ATP13A3: variants seen among roughly 807,000 people sequenced by gnomAD.
ATP13A3 encodes polyamine-transporting ATPase 13A3.
ATP13A3 carries 59 observed loss-of-function variants against 158.1 expected under a neutral mutation model. The observed-to-expected ratio is 0.37, with a 90% CI of 0.30 to 0.46. The LOEUF (loss-of-function observed/expected upper bound fraction) is 0.46, where lower values mean the gene tolerates loss of function less well. Among genes scored for constraint, ATP13A3 ranks in the 20% least tolerant of loss-of-function variants. The pLI is 1.00. For missense variants in ATP13A3, 1,166 were observed against 1,525.2 expected, an observed-to-expected ratio of 0.76 and a Z score of 3.92; for synonymous variants, 491 against 504.3, an observed-to-expected ratio of 0.97 and a Z score of 0.35.
In ATP13A3 at chr3:194,494,278, A is replaced by G. The variant is rs911851013; in HGVS notation, n.518T>C. ...CAGCACACAGCGGTAGTCAGAAAGT[A>G]TGCTGAGTAAGTGGAGAACAAGTTA... On this transcript the variant is annotated splice_region_variant and non_coding_transcript_exon_variant, in exon 2 of 33. Transcript: ENST00000687055. The surrounding 1 kb of genome is among the most constrained non-coding windows in gnomAD (Gnocchi z 4.2). The G allele has an allele frequency of 2.0e-5, 8 of 398,528 alleles. No homozygotes were observed. Among genetic ancestry groups the G allele is most frequent in the Non-Finnish European group, 3.1e-5 (7 of 226,082 alleles). The allele number at this position is 398,528 out of a possible 1,614,324, so 24.7% of individuals were successfully genotyped here.
intron 2 of ATP13A3, among the ~76,000 whole-genome samples, chr3:194,482,950 AC>A (rs1166256097): frequency 3.9e-5 from 6 of 152,040 alleles, no homozygotes. Flanking sequence ...TACTAAAGAT[AC>A]AAAAAATTAG....
rs1410502922 is a variant in ATP13A3, at chr3:194,421,137, G to A, written c.3314-1170C>T. Among the ~76,000 whole-genome samples, 10 of 7,168 alleles carry A rather than the reference G, an allele frequency of 1.4e-3. 2 individuals carry two copies. The highest frequency in any genetic ancestry group is 2.5e-3 in the African/African-American group (2 of 802). 4.7% of individuals were successfully genotyped at this position (7,168 alleles called of 152,430 possible). A position where few individuals can be genotyped will look rare whatever the true frequency, so the allele number is the denominator to read the frequency against. Reference sequence around the variant, plus strand: ...GTGTATATATATATATATATATATAGTATATATATATATATATATATATAT... The same window carrying A: ...GTGTATATATATATATATATATATAATATATATATATATATATATATATAT... On this transcript the variant is annotated intron_variant, in intron 30 of 33. Coordinates refer to ENST00000645319, the MANE Select transcript of ATP13A3 (RefSeq NM_001367549.1).
At chr3:194,471,249 T>C (rs367622017) in intron 2 of ATP13A3, among the ~76,000 whole-genome samples, 47 of 151,404 alleles carry the variant, frequency 3.1e-4, no homozygotes, top group Admixed American at 8.6e-4. Flanking sequence ...ATTAGATTTA[T>C]TTCTATCTCC....
At chr3:194,443,995 GA>G (rs34736657) in intron 15 of ATP13A3, among the ~76,000 whole-genome samples, 31,561 of 151,994 alleles carry the variant, frequency 0.21, 3,879 homozygotes, top group African/African-American at 0.34. Flanking sequence ...TAAGAAATGA[GA>G]AGAATGTAAA....
At chr3:194,479,629 A>C (rs947889702) in intron 2 of ATP13A3, among the ~76,000 whole-genome samples, 2 of 151,994 alleles carry the variant, frequency 1.3e-5, no homozygotes, top group Admixed American at 1.3e-4. Context: ...ATAAGGAACC[A>C]GTGACTAGGA....
chr3:194,489,648 G>GC (rs1721122818), upstream of ATP13A3, among the ~76,000 whole-genome samples: 1 of 152,126 alleles, frequency 6.6e-6, no homozygotes, highest in African/African-American at 2.4e-5. The surrounding 1 kb of genome is among the most constrained non-coding windows in gnomAD (Gnocchi z 4.1). Flanking sequence ...ATCACAAAGA[G>GC]CCCCAGAATT....
chr3:194,431,310 C>T, intron 22 of ATP13A3, 84 bp from the exon 23 acceptor site: 1 of 1,416,330 alleles, frequency 7.1e-7, no homozygotes, highest in Non-Finnish European at 9.5e-7. Flanking sequence ...TGTTCTAAAA[C>T]TGAATTCTTT....
At chr3:194,492,198 G>C (rs1232230317) in intron 2 of ATP13A3, among the ~76,000 whole-genome samples, 2 of 152,018 alleles carry the variant, frequency 1.3e-5, no homozygotes, top group Admixed American at 6.6e-5. Context: ...AGCTACACTA[G>C]GCCTTCTTTC....
Position 194,405,198 on chromosome 3 carries a change from T to C in ATP13A3, c.*721A>G, listed in dbSNP as rs1395490379. ...CAAATTAGACTGCCAACACCACACA[T>C]AGCACAGGAGCCATTTAAGAGCTTT... is the stretch of plus-strand genomic sequence containing the variant. On this transcript the variant is annotated 3_prime_UTR_variant, in exon 34 of 34. Coordinates refer to ENST00000645319, the MANE Select transcript of ATP13A3 (RefSeq NM_001367549.1). The C allele has an allele frequency of 6.6e-6, 1 of 152,170 alleles. No homozygotes were observed. The highest frequency in any genetic ancestry group is 1.5e-5 in the Non-Finnish European group (1 of 68,038). 9.4% of individuals were successfully genotyped at this position (152,170 alleles called of 1,614,324 possible). A position where few individuals can be genotyped will look rare whatever the true frequency, so the allele number is the denominator to read the frequency against.
intron 2 of ATP13A3, among the ~76,000 whole-genome samples, chr3:194,483,527 C>G (rs897008373): frequency 6.6e-6 from 1 of 151,806 alleles, no homozygotes; most frequent in Non-Finnish European, 1.5e-5. Flanking sequence ...AAGGTCAAGG[C>G]TGCAGTGAGC....
intron 2 of ATP13A3, among the ~76,000 whole-genome samples, chr3:194,462,621 G>A (rs1719742549): frequency 6.6e-6 from 1 of 152,210 alleles, no homozygotes; most frequent in African/African-American, 2.4e-5. Context: ...TGCCAAAAAG[G>A]TTGGGGACCA....
chr3:194,446,018 G>C (rs1718377159), intron 14 of ATP13A3, among the ~76,000 whole-genome samples: 1 of 151,632 alleles, frequency 6.6e-6, no homozygotes, highest in East Asian at 1.9e-4. Context: ...TATATGTATG[G>C]AGCCTATTGT....
intron 15 of ATP13A3, among the ~76,000 whole-genome samples, chr3:194,442,042 G>A (rs1718084732): frequency 6.6e-6 from 1 of 152,138 alleles, no homozygotes; most frequent in Non-Finnish European, 1.5e-5. Context: ...TTATAGATGA[G>A]AAAACTGAAG....
rs773140654 is a variant in ATP13A3 at position 194,448,593 on chromosome 3, T to G, written c.1014A>C (p.Ser338=). The change falls in exon 12 of 34, where the codon TCA becomes TCC. Residue 338 remains serine, a synonymous_variant. Coordinates refer to ENST00000645319, the MANE Select transcript of ATP13A3 (RefSeq NM_001367549.1). This position sits in a 1 kb window ranked among gnomAD's most constrained non-coding sequence, Gnocchi z 4.0. The stretch of plus-strand genomic sequence containing the variant: ...CATCTCCTATTCCTTTCACATCCAC[T>G]GAAGGATTTGGCAAATTAGTCTTTG... ...PVTKTNLPNP[S]VDVKGIGDEL... The G allele has an allele frequency of 8.1e-6, 13 of 1,613,524 alleles. No individual in the cohort carries two copies. In the Admixed American group the frequency reaches 1.2e-4, roughly 14 times the overall value.
chr3:194,464,019 G>C (rs1719836016), intron 2 of ATP13A3, among the ~76,000 whole-genome samples: 1 of 152,038 alleles, frequency 6.6e-6, no homozygotes, highest in Non-Finnish European at 1.5e-5. Context: ...AAATTAGCCG[G>C]GCATGATGGC....
rs1334277388 is a variant in ATP13A3 at position 194,417,939 on chromosome 3, TGACA to T, written c.3402+1936_3402+1939del. 5.3e-4 allele frequency among the ~76,000 whole-genome samples: 64 copies of T among 121,622 alleles called. 4 individuals are homozygous for T. Among genetic ancestry groups the T allele is most frequent in the East Asian group, 3.8e-3 (15 of 3,978 alleles). 79.8% of individuals were successfully genotyped at this position (121,622 alleles called of 152,430 possible). On this transcript the variant is annotated intron_variant, in intron 31 of 33. Coordinates refer to ENST00000645319, the MANE Select transcript of ATP13A3 (RefSeq NM_001367549.1). ...TCATACCACTGCACTGCAGCGTGGG[TGACA>T]GACAGACGGACGGACGGAAGGAAGG...
chr3:194,481,569 C>T (rs530825153), intron 2 of ATP13A3, among the ~76,000 whole-genome samples: 1 of 152,242 alleles, frequency 6.6e-6, no homozygotes, highest in South Asian at 2.1e-4. Flanking sequence ...TCCATGATCT[C>T]TCCGCATTAT....
chr3:194,493,135 TAA>T (rs376023000), intron 2 of ATP13A3, among the ~76,000 whole-genome samples: 84 of 131,578 alleles, frequency 6.4e-4, no homozygotes, highest in African/African-American at 1.9e-3. Context: ...TCTCAGCTCT[TAA>T]AAAAAAAAAA....
chr3:194,473,430 G>C (rs954158007), intron 2 of ATP13A3, among the ~76,000 whole-genome samples: 1 of 151,094 alleles, frequency 6.6e-6, no homozygotes. Flanking sequence ...AGAACAAGAC[G>C]ATGTATTTAA....
Sources: gnomAD v4.1 joint callset for allele counts (sites outside exome capture counted in the v4.1 genomes callset) on GRCh38, gnomAD v4.1.1 for gene constraint, Gnocchi (gnomAD v3.1) non-coding constraint, MANE v1.5 for transcripts, NCBI Gene and HGNC (gene_info 2026-07-23, HGNC 2026-07-21) for gene names.